Variants in ENTREP1 observed in about 807,000 individuals in gnomAD.
ENTREP1 encodes the protein Friedreich ataxia region gene X123.
the ENTREP1 span, among the ~76,000 whole-genome samples, chr9:69,353,456 C>T: frequency 1.3e-5 from 2 of 152,152 alleles, no homozygotes; most frequent in African/African-American, 4.8e-5. Context: ...TTCAAAGTTG[C>T]AGATTTCATG....
chr9:69,391,618 G>A, the ENTREP1 span: 292 of 1,614,022 alleles, frequency 1.8e-4, 4 homozygotes, highest in South Asian at 3.0e-3. Flanking sequence ...CCCCATTGCA[G>A]CCCAGCACAT....
At chr9:69,373,030 A>T in the ENTREP1 span, among the ~76,000 whole-genome samples, 11 of 108,080 alleles carry the variant, frequency 1.0e-4, no homozygotes, top group South Asian at 2.9e-4. Flanking sequence ...AAATTGAGTT[A>T]TTTTTTTTTT....
chr9:69,385,775 T>C, the ENTREP1 span: 3 of 1,351,784 alleles, frequency 2.2e-6, no homozygotes, highest in Non-Finnish European at 2.8e-6. Flanking sequence ...TTTTTTTTTT[T>C]TTTTTTTTTT....
the ENTREP1 span, among the ~76,000 whole-genome samples, chr9:69,367,635 A>G: frequency 2.0e-3 from 273 of 135,722 alleles, no homozygotes; most frequent in African/African-American, 6.8e-3. Context: ...ATATAAATAT[A>G]TATATACACA....
the ENTREP1 span, chr9:69,380,636 A>G: frequency 6.6e-6 from 1 of 152,242 alleles, no homozygotes; most frequent in Non-Finnish European, 1.5e-5. Context: ...GATTTGTAAT[A>G]CAGGAGGGGG....
At chr9:69,385,621 T>G in the ENTREP1 span, among the ~76,000 whole-genome samples, 171 of 152,318 alleles carry the variant, frequency 1.1e-3, no homozygotes, top group African/African-American at 3.9e-3. Flanking sequence ...TTTCCTGTAG[T>G]CAGTGATGTA....
the ENTREP1 span, among the ~76,000 whole-genome samples, chr9:69,335,124 T>A: frequency 6.6e-6 from 1 of 152,170 alleles, no homozygotes; most frequent in Non-Finnish European, 1.5e-5. Context: ...CAACATGAGC[T>A]CCTTCTCACA....
the ENTREP1 span, among the ~76,000 whole-genome samples, chr9:69,342,172 C>T: frequency 6.6e-6 from 1 of 152,158 alleles, no homozygotes; most frequent in African/African-American, 2.4e-5. Flanking sequence ...GTAATACATT[C>T]TTGCATGTAT....
the ENTREP1 span, chr9:69,379,976 G>C: frequency 3.3e-5 from 5 of 152,142 alleles, no homozygotes; most frequent in South Asian, 6.2e-4. Flanking sequence ...TTGTCTCTCT[G>C]AGTCCTGAGA....
the ENTREP1 span, chr9:69,391,938 T>A: frequency 1.2e-6 from 1 of 866,422 alleles, no homozygotes; most frequent in Non-Finnish European, 1.8e-6. Flanking sequence ...TTGGCTCCCG[T>A]GTCTGCTGAC....
the ENTREP1 span, chr9:69,382,119 A>G: frequency 7.2e-5 from 11 of 152,450 alleles, no homozygotes; most frequent in African/African-American, 2.2e-4. Flanking sequence ...AAGGTGGCTC[A>G]TGGGGGCTAT....
At chr9:69,328,661 T>TAA in the ENTREP1 span, among the ~76,000 whole-genome samples, 26 of 149,686 alleles carry the variant, frequency 1.7e-4, no homozygotes, top group South Asian at 2.1e-4. Flanking sequence ...AAGGTTTCTA[T>TAA]AAAAAAAAAA....
the ENTREP1 span, among the ~76,000 whole-genome samples, chr9:69,358,200 G>T: frequency 6.6e-6 from 1 of 152,176 alleles, no homozygotes; most frequent in African/African-American, 2.4e-5. Context: ...TGGAATTGAA[G>T]TCCCAACACT....
At chr9:69,324,653 G>A in the ENTREP1 span, 20 of 985,400 alleles carry the variant, frequency 2.0e-5, no homozygotes, top group Non-Finnish European at 2.4e-5. Context: ...TGCGCCCTGT[G>A]AGCGGTAACT....
the ENTREP1 span, chr9:69,385,666 A>G: frequency 7.4e-7 from 1 of 1,344,254 alleles, no homozygotes; most frequent in Non-Finnish European, 9.5e-7. Flanking sequence ...AGTAAATGTT[A>G]TTAACTGCAT....
the ENTREP1 span, among the ~76,000 whole-genome samples, chr9:69,326,457 C>T: frequency 6.6e-6 from 1 of 152,272 alleles, no homozygotes; most frequent in South Asian, 2.1e-4. Flanking sequence ...CTAGAGATGT[C>T]TGCTCTACAG....
the ENTREP1 span, among the ~76,000 whole-genome samples, chr9:69,370,698 C>T: frequency 6.6e-6 from 1 of 152,180 alleles, no homozygotes. Context: ...GGGTTTCTCC[C>T]TTAGAGTTCA....
At chr9:69,390,977 T>A in the ENTREP1 span, among the ~76,000 whole-genome samples, 1 of 142,820 alleles carries the variant, frequency 7.0e-6, no homozygotes, top group Non-Finnish European at 1.5e-5. Flanking sequence ...AGAGATGGAG[T>A]CTCACTATGT....
At chr9:69,346,632 A>G in the ENTREP1 span, among the ~76,000 whole-genome samples, 8 of 152,198 alleles carry the variant, frequency 5.3e-5, no homozygotes, top group African/African-American at 1.7e-4. Flanking sequence ...AAGCTATATT[A>G]TATCATTCAG....
Sources: gnomAD v4.1 joint callset for allele counts (sites outside exome capture counted in the v4.1 genomes callset) on GRCh38, gnomAD v4.1.1 for gene constraint, MANE v1.5 for transcripts, NCBI Gene and HGNC (gene_info 2026-07-23, HGNC 2026-07-21) for gene names.